PPFIBP2: variants seen among roughly 807,000 people sequenced by gnomAD.
PPFIBP2 encodes the protein PPFIB scaffold protein 2, also known as liprin-beta-2.
Under a neutral mutation model 118.3 loss-of-function variants are expected in PPFIBP2, and 118 were observed. That is an observed-to-expected ratio of 1.00 (90% CI 0.86 to 1.16). PPFIBP2 has a LOEUF of 1.16. Among genes scored for constraint, PPFIBP2 ranks in the 50% most tolerant of loss-of-function variants. The pLI is 0.00. For missense variants in PPFIBP2, 1,195 were observed against 1,073.1 expected, an observed-to-expected ratio of 1.11 and a Z score of -1.59; for synonymous variants, 414 against 397.4, an observed-to-expected ratio of 1.04 and a Z score of -0.50.
the PPFIBP2 span, chr11:7,665,461 C>CA: frequency 6.2e-7 from 1 of 1,613,930 alleles, no homozygotes; most frequent in South Asian, 1.1e-5. Flanking sequence ...GCGGGCCACA[C>CA]ACCAGGATGA....
Position 7,616,170 on chromosome 11 carries a change from AGTTAT to A in PPFIBP2, c.619-4761_619-4757del, listed in dbSNP as rs1435657200. On this transcript the variant is annotated intron_variant, in intron 6 of 23. Transcript: ENST00000299492. This position sits in a 1 kb window ranked among gnomAD's most constrained non-coding sequence, Gnocchi z 5.2. ...CACGCACACACAAACACCCACACAC[AGTTAT>A]GTTCTTAAAAAGAAAAAATGGACTT... 3.9e-5 allele frequency among the ~76,000 whole-genome samples: 6 copies of A among 152,176 alleles called. No individual in the cohort carries two copies. The highest frequency in any genetic ancestry group is 7.4e-5 in the Non-Finnish European group (5 of 68,022).
At chr11:7,638,331 T>C (rs1415348733) in intron 14 of PPFIBP2, among the ~76,000 whole-genome samples, 1 of 152,200 alleles carries the variant, frequency 6.6e-6, no homozygotes, top group Non-Finnish European at 1.5e-5. Context: ...TCATGGGTCA[T>C]CACAAACTTG....
downstream of PPFIBP2, among the ~76,000 whole-genome samples, chr11:7,656,372 GT>G (rs1408081693): frequency 6.6e-6 from 1 of 152,140 alleles, no homozygotes; most frequent in Admixed American, 6.5e-5. Context: ...GACTCTCCTT[GT>G]TTTCAAGGAC....
At chr11:7,635,309 TC>T (rs1210956969) in intron 13 of PPFIBP2, among the ~76,000 whole-genome samples, 67 of 152,220 alleles carry the variant, frequency 4.4e-4, no homozygotes, top group African/African-American at 1.6e-3. Context: ...GTGGCTCTGC[TC>T]CCATGGTCAC....
In PPFIBP2 at chr11:7,616,688, G is replaced by A. The variant is rs190092267; in HGVS notation, c.619-4247G>A. ...GTGATGTGTGCCATATGTCCCCTGT[G>A]CATAGGTGCTGACACGTTGGGTGTT... On this transcript the variant is annotated intron_variant, in intron 6 of 23. Transcript: ENST00000299492. This position sits in a 1 kb window ranked among gnomAD's most constrained non-coding sequence, Gnocchi z 5.2. 1.3e-5 allele frequency among the ~76,000 whole-genome samples: 2 copies of A among 152,250 alleles called. No homozygotes were observed. The highest frequency in any genetic ancestry group is 4.8e-5 in the African/African-American group (2 of 41,550).
At chr11:7,665,756 G>C in the PPFIBP2 span, 2 of 1,357,086 alleles carry the variant, frequency 1.5e-6, no homozygotes, top group Non-Finnish European at 2.0e-6. Context: ...CTCACTGCAG[G>C]GACCCTGAAG....
In PPFIBP2 at chr11:7,649,163, T is replaced by G. The variant is rs755298306; in HGVS notation, c.1926T>G (p.Ile642Met). The change falls in exon 20 of 24, where the codon ATT becomes ATG. Residue 642 changes from isoleucine (I) to methionine (M), a missense_variant. Coordinates refer to ENST00000299492, the MANE Select transcript of PPFIBP2 (RefSeq NM_003621.5). ...HIWVTRWLDD[I>M]GLPQYKDQFH... is the part of the protein sequence containing the mutation. ...TATTTGTAGGGTGGCTTGATGATAT[T>G]GGCTTACCCCAGTACAAAGACCAGT... The G allele has an allele frequency of 1.8e-5, 29 of 1,613,926 alleles. No homozygotes were observed. Among genetic ancestry groups the G allele is most frequent in the African/African-American group, 2.7e-5 (2 of 74,934 alleles).
intron 22 of PPFIBP2, 173 bp downstream of exon 22, chr11:7,651,138 A>G: frequency 1.5e-6 from 1 of 662,038 alleles, no homozygotes; most frequent in South Asian, 2.5e-5. Context: ...GAGAATTAAT[A>G]TACCTCATGG....
At chr11:7,544,919 C>G (rs1852176507) in intron 1 of PPFIBP2, among the ~76,000 whole-genome samples, 1 of 152,020 alleles carries the variant, frequency 6.6e-6, no homozygotes, top group African/African-American at 2.4e-5. Context: ...GCTTGGTGCA[C>G]TTAAGCCCCA....
intron 1 of PPFIBP2, among the ~76,000 whole-genome samples, chr11:7,520,608 AAT>A (rs1849670018): frequency 6.6e-6 from 1 of 152,102 alleles, no homozygotes; most frequent in African/African-American, 2.4e-5. Flanking sequence ...AGGAAGCACT[AAT>A]ATAAACACAA....
intron 1 of PPFIBP2, among the ~76,000 whole-genome samples, chr11:7,529,578 T>C (rs1398282117): frequency 6.6e-6 from 1 of 152,228 alleles, no homozygotes; most frequent in African/African-American, 2.4e-5. Flanking sequence ...AGCCAGGGAC[T>C]GCTGCACCGA....
chr11:7,586,689 T>G (rs1419596846), intron 3 of PPFIBP2, among the ~76,000 whole-genome samples: 2 of 152,200 alleles, frequency 1.3e-5, no homozygotes, highest in Admixed American at 6.5e-5. Context: ...GTTTGTCCTC[T>G]TTCTGCAGAG....
chr11:7,572,851 C>T (rs1301812821), intron 3 of PPFIBP2, among the ~76,000 whole-genome samples: 1 of 152,218 alleles, frequency 6.6e-6, no homozygotes, highest in Non-Finnish European at 1.5e-5. Context: ...GTGATATTGG[C>T]TCACTGCAAT....
intron 14 of PPFIBP2, among the ~76,000 whole-genome samples, 171 bp from the exon 15 acceptor site, chr11:7,639,561 G>A (rs1463502538): frequency 6.6e-6 from 1 of 152,248 alleles, no homozygotes; most frequent in African/African-American, 2.4e-5. Flanking sequence ...TTCCTTCCTT[G>A]GAACTCTGGT....
intron 5 of PPFIBP2, among the ~76,000 whole-genome samples, chr11:7,608,064 C>G (rs1345240914): frequency 6.6e-6 from 1 of 152,128 alleles, no homozygotes; most frequent in Non-Finnish European, 1.5e-5. Context: ...CTCAGAGACT[C>G]AGATAACTTA....
intron 5 of PPFIBP2, among the ~76,000 whole-genome samples, chr11:7,608,594 C>T (rs1423437086): frequency 1.3e-5 from 2 of 152,148 alleles, no homozygotes; most frequent in African/African-American, 2.4e-5. Context: ...GAGCCGAGAT[C>T]GTGCCATTGC....
chr11:7,614,687 G>T (rs1848436865), intron 6 of PPFIBP2, among the ~76,000 whole-genome samples: 1 of 152,116 alleles, frequency 6.6e-6, no homozygotes. Context: ...GAACATAGAG[G>T]TTATATTCCC....
intron 3 of PPFIBP2, among the ~76,000 whole-genome samples, chr11:7,585,128 G>C (rs1381052880): frequency 6.6e-6 from 1 of 152,136 alleles, no homozygotes; most frequent in Non-Finnish European, 1.5e-5. Context: ...CTGACCAGTT[G>C]GGACAGTGTA....
chr11:7,572,817 T>C (rs1855801200), intron 3 of PPFIBP2, among the ~76,000 whole-genome samples: 1 of 152,230 alleles, frequency 6.6e-6, no homozygotes, highest in Non-Finnish European at 1.5e-5. Context: ...TTTACTCTTA[T>C]TGCCCAGGCT....
Sources: gnomAD v4.1 joint callset for allele counts (sites outside exome capture counted in the v4.1 genomes callset) on GRCh38, gnomAD v4.1.1 for gene constraint, Gnocchi (gnomAD v3.1) non-coding constraint, MANE v1.5 for transcripts, NCBI Gene and HGNC (gene_info 2026-07-23, HGNC 2026-07-21) for gene names.